The following NAA11 variants were observed in gnomAD, a reference collection of about 807,000 sequenced individuals.
The protein encoded by NAA11 is N-alpha-acetyltransferase 11, NatA catalytic subunit, also known as N-alpha-acetyltransferase 11.
A neutral mutation model predicts 16.1 loss-of-function variants in NAA11; 15 were observed. The ratio of observed to expected loss-of-function variants is 0.93; its 90% CI spans 0.62 to 1.44. NAA11 has a LOEUF of 1.44. NAA11 is among the 40% of genes most tolerant of loss of function. NAA11 has a pLI of 0.00. For missense variants in NAA11, 298 were observed against 291.3 expected (o/e 1.02, Z -0.17); for synonymous variants, 122 against 112.4 (o/e 1.09, Z -0.54).
intron 1 of NAA11, chr4:79,308,732 G>A (rs1247735074): frequency 6.6e-6 from 1 of 151,986 alleles, no homozygotes; most frequent in East Asian, 1.9e-4. Context: ...TTTGGTTTAT[G>A]TGTAATCCTT....
chr4:79,170,388 G>A, the NAA11 span, among the ~76,000 whole-genome samples: 1 of 152,148 alleles, frequency 6.6e-6, no homozygotes, highest in South Asian at 2.1e-4. Context: ...TGGAGACATG[G>A]AGAAGCCATG....
chr4:79,309,557 A>G (rs1723698218), intron 1 of NAA11, among the ~76,000 whole-genome samples: 1 of 152,074 alleles, frequency 6.6e-6, no homozygotes, highest in Non-Finnish European at 1.5e-5. Context: ...TTGTCCAAGG[A>G]TATGTTAGGA....
intron 2 of NAA11, among the ~76,000 whole-genome samples, chr4:79,274,491 C>A (rs1578174031): frequency 6.6e-6 from 1 of 152,146 alleles, no homozygotes; most frequent in South Asian, 2.1e-4. Context: ...TTAAAGGGCA[C>A]AATGTTAACT....
chr4:79,181,356 C>T, the NAA11 span, among the ~76,000 whole-genome samples: 21 of 152,226 alleles, frequency 1.4e-4, no homozygotes, highest in African/African-American at 4.8e-4. Context: ...CTTTCTTGCC[C>T]TGAGTTGCTA....
At chr4:79,311,618 C>A (rs1020074537) in intron 1 of NAA11, among the ~76,000 whole-genome samples, 6 of 152,202 alleles carry the variant, frequency 3.9e-5, no homozygotes, top group Admixed American at 3.3e-4. Flanking sequence ...CATATTTCAA[C>A]ATTTCCAAAG....
downstream of NAA11, among the ~76,000 whole-genome samples, chr4:79,221,106 A>G (rs1425102992): frequency 2.8e-4 from 42 of 151,802 alleles, no homozygotes; most frequent in Non-Finnish European, 5.0e-4. Context: ...TGTAAGTTGG[A>G]TTCCTGGGTA....
At chr4:79,172,661 A>T in the NAA11 span, among the ~76,000 whole-genome samples, 1 of 152,020 alleles carries the variant, frequency 6.6e-6, no homozygotes, top group Non-Finnish European at 1.5e-5. Context: ...AGGTTACCAA[A>T]ATTACCTGGG....
At chr4:79,252,962 C>G (rs1380733474) in intron 2 of NAA11, among the ~76,000 whole-genome samples, 4 of 152,056 alleles carry the variant, frequency 2.6e-5, no homozygotes, top group Non-Finnish European at 5.9e-5. Context: ...GCAGGGAGAC[C>G]AGTTAGGGGT....
chr4:79,267,951 T>C (rs17003697), intron 2 of NAA11, among the ~76,000 whole-genome samples: 10,082 of 152,180 alleles, frequency 0.066, 398 homozygotes, highest in African/African-American at 0.1. Flanking sequence ...ACCAGTACTA[T>C]ATTAGCATCA....
the NAA11 span, among the ~76,000 whole-genome samples, chr4:79,208,332 ATACT>A: frequency 4.6e-5 from 7 of 152,194 alleles, no homozygotes; most frequent in Non-Finnish European, 1.5e-5. Context: ...AAATGTGATA[ATACT>A]TAATGAGAAC....
chr4:79,202,504 C>T, the NAA11 span, among the ~76,000 whole-genome samples: 2 of 125,740 alleles, frequency 1.6e-5, no homozygotes, highest in African/African-American at 5.9e-5. Flanking sequence ...TTTCATTGGC[C>T]ATAATGTAAA....
At chr4:79,278,232 G>C (rs561271712) in intron 2 of NAA11, among the ~76,000 whole-genome samples, 19 of 152,134 alleles carry the variant, frequency 1.2e-4, no homozygotes, top group African/African-American at 4.3e-4. Context: ...ATTGAAATCT[G>C]TTACCTGATC....
the NAA11 span, among the ~76,000 whole-genome samples, chr4:79,174,812 CA>C: frequency 6.6e-6 from 1 of 152,092 alleles, no homozygotes; most frequent in Non-Finnish European, 1.5e-5. Flanking sequence ...GCCAGGAACT[CA>C]AACAGACCAA....
chr4:79,181,943 C>T, the NAA11 span, among the ~76,000 whole-genome samples: 1 of 152,138 alleles, frequency 6.6e-6, no homozygotes, highest in Non-Finnish European at 1.5e-5. Context: ...AATGGAAATA[C>T]TTAGAGATAT....
chr4:79,205,079 T>C, the NAA11 span, among the ~76,000 whole-genome samples: 2 of 152,012 alleles, frequency 1.3e-5, no homozygotes, highest in Non-Finnish European at 2.9e-5. Flanking sequence ...GATGGGAACA[T>C]GGGTTGATTC....
chr4:79,170,227 C>G, the NAA11 span, among the ~76,000 whole-genome samples: 2 of 152,184 alleles, frequency 1.3e-5, no homozygotes, highest in African/African-American at 4.8e-5. Context: ...GAATGCTCTA[C>G]TGTTATTGTT....
chr4:79,186,754 G>T, the NAA11 span, among the ~76,000 whole-genome samples: 3 of 152,118 alleles, frequency 2.0e-5, no homozygotes, highest in Non-Finnish European at 1.5e-5. Context: ...AGAAGTCTTG[G>T]TGGGCTGCTG....
At chr4:79,277,401 T>G (rs1453114113) in intron 2 of NAA11, among the ~76,000 whole-genome samples, 1 of 152,068 alleles carries the variant, frequency 6.6e-6, no homozygotes, top group Non-Finnish European at 1.5e-5. Context: ...AGAAGCTTCT[T>G]CTTTTAGAAA....
downstream of NAA11, among the ~76,000 whole-genome samples, chr4:79,223,835 C>G (rs548433155): frequency 2.0e-5 from 3 of 151,336 alleles, no homozygotes; most frequent in South Asian, 4.2e-4. Context: ...GGGGTTTGCT[C>G]CTTTATCTAA....
Sources: gnomAD v4.1 joint callset for allele counts (sites outside exome capture counted in the v4.1 genomes callset) on GRCh38, gnomAD v4.1.1 for gene constraint, MANE v1.5 for transcripts, NCBI Gene and HGNC (gene_info 2026-07-23, HGNC 2026-07-21) for gene names.